RSPH14: variants seen among roughly 807,000 people sequenced by gnomAD.
The protein encoded by RSPH14 is radial spoke head 14 homolog.
Under a neutral mutation model 26.7 loss-of-function variants are expected in RSPH14, and 20 were observed. The ratio of observed to expected loss-of-function variants is 0.75; its 90% confidence interval spans 0.53 to 1.09. The LOEUF (loss-of-function observed/expected upper bound fraction) is 1.09. RSPH14 is among the 50% of genes least tolerant of loss of function. RSPH14 has a pLI of 0.00. For synonymous variants in RSPH14, 177 were observed against 189.3 expected, an observed-to-expected ratio of 0.93 and a Z score of 0.53; for missense variants, 449 against 457.2, an observed-to-expected ratio of 0.98 and a Z score of 0.16.
At chr22:23,156,690 A>C in the RSPH14 span, among the ~76,000 whole-genome samples, 1 of 152,228 alleles carries the variant, frequency 6.6e-6, no homozygotes, top group Non-Finnish European at 1.5e-5. Flanking sequence ...TGAAAAAGTT[A>C]CAACATTTTC....
At chr22:23,149,284 TCTGTATTTA>T (rs2070970677), upstream of RSPH14, among the ~76,000 whole-genome samples, 1 of 152,196 alleles carries the variant, frequency 6.6e-6, no homozygotes, top group African/African-American at 2.4e-5. Context: ...CTTGCCACAT[TCTGTATTTA>T]GCCTGGGCCA....
chr22:23,170,093 TAA>T, the RSPH14 span, among the ~76,000 whole-genome samples: 96 of 136,984 alleles, frequency 7.0e-4, 1 homozygote, highest in Middle Eastern at 3.8e-3. Context: ...CAAGACCCTT[TAA>T]AAAAAAAAAA....
chr22:23,080,126 G>A (rs879545748), intron 4 of RSPH14, among the ~76,000 whole-genome samples: 4 of 152,208 alleles, frequency 2.6e-5, no homozygotes, highest in Non-Finnish European at 5.9e-5. Flanking sequence ...CTTCTTCTCT[G>A]CTGTCATGGC....
chr22:23,154,720 G>A, the RSPH14 span, among the ~76,000 whole-genome samples: 1 of 152,102 alleles, frequency 6.6e-6, no homozygotes, highest in Non-Finnish European at 1.5e-5. Context: ...CTCATCTCTA[G>A]GCCACCACCA....
chr22:23,079,535 C>A (rs1332332727), intron 4 of RSPH14, among the ~76,000 whole-genome samples: 2 of 152,144 alleles, frequency 1.3e-5, no homozygotes, highest in Admixed American at 1.3e-4. Flanking sequence ...TGGACTTTGA[C>A]TCGGGGTCTG....
intron 4 of RSPH14, among the ~76,000 whole-genome samples, chr22:23,076,226 C>G (rs2068504062): frequency 6.6e-6 from 1 of 152,220 alleles, no homozygotes; most frequent in African/African-American, 2.4e-5. Flanking sequence ...CCCCTTAGCA[C>G]TCGCCACAGC....
chr22:23,099,277 G>T (rs1004888118), intron 4 of RSPH14, among the ~76,000 whole-genome samples: 2 of 152,258 alleles, frequency 1.3e-5, no homozygotes, highest in African/African-American at 4.8e-5. Flanking sequence ...AGATTTCCGG[G>T]TGTCTGTGGA....
intron 1 of RSPH14, among the ~76,000 whole-genome samples, chr22:23,141,368 C>T (rs190549716): frequency 4.0e-5 from 6 of 150,554 alleles, no homozygotes; most frequent in Admixed American, 2.0e-4. Context: ...CTTTTATTGC[C>T]GACACACACA....
chr22:23,171,862 A>C, the RSPH14 span, among the ~76,000 whole-genome samples: 3 of 151,808 alleles, frequency 2.0e-5, no homozygotes, highest in African/African-American at 4.8e-5. Flanking sequence ...AAACAAAAAA[A>C]AAAAAACAAG....
Position 23,130,089 on chromosome 22 carries a change from AAGAAAGAAAGAAAGAAAG to A in RSPH14, c.421+3919_421+3936del, listed in dbSNP as rs2070293572. Among the ~76,000 whole-genome samples the A allele has an allele frequency of 1.3e-3, 25 of 19,130 alleles. 1 individual carries two copies. Among genetic ancestry groups the A allele is most frequent in the African/African-American group, 2.6e-3 (24 of 9,384 alleles). 12.6% of individuals were successfully genotyped at this position (19,130 alleles called of 152,430 possible). On this transcript the variant is annotated intron_variant, in intron 4 of 6. Transcript: ENST00000216036. Reference sequence around the variant, plus strand: ...AAAGAAAGAAAGAAAGAAAGGAAGAAAGAAAGAAAGAAAGAAAGAAAGAAAGAAAGAAAGAAAGAAAGA... The same window carrying A: ...AAAGAAAGAAAGAAAGAAAGGAAGAAAAAGAAAGAAAGAAAGAAAGAAAGA...
chr22:23,171,969 G>GT, the RSPH14 span, among the ~76,000 whole-genome samples: 1 of 151,942 alleles, frequency 6.6e-6, no homozygotes, highest in South Asian at 2.1e-4. Context: ...CAAGCACCTG[G>GT]TTACCAGGAA....
chr22:23,066,553 T>C (rs2068215027), intron 4 of RSPH14, among the ~76,000 whole-genome samples: 1 of 152,116 alleles, frequency 6.6e-6, no homozygotes, highest in Non-Finnish European at 1.5e-5. Context: ...AGGGAGAAGA[T>C]TAAAAATAAA....
At chr22:23,065,937 T>G (rs894406588) in intron 4 of RSPH14, among the ~76,000 whole-genome samples, 7 of 152,188 alleles carry the variant, frequency 4.6e-5, no homozygotes, top group South Asian at 4.1e-4. Context: ...ATCCTCTCTC[T>G]CTCGCAGCTC....
At chr22:23,062,723 C>T (rs554591269) in intron 5 of RSPH14, among the ~76,000 whole-genome samples, 1 of 152,350 alleles carries the variant, frequency 6.6e-6, no homozygotes, top group South Asian at 2.1e-4. Context: ...GGCAGTGGGC[C>T]TCAACCCCGA....
chr22:23,080,778 A>C (rs2068654834), intron 4 of RSPH14, among the ~76,000 whole-genome samples: 2 of 152,266 alleles, frequency 1.3e-5, no homozygotes, highest in South Asian at 2.1e-4. Context: ...CTATTGTGAT[A>C]AATGAAATGC....
intron 4 of RSPH14, among the ~76,000 whole-genome samples, chr22:23,064,389 CTG>C (rs1204308491): frequency 2.6e-5 from 4 of 152,198 alleles, no homozygotes; most frequent in Non-Finnish European, 5.9e-5. Flanking sequence ...CTTTTGTCGC[CTG>C]TGTCTCAGGG....
chr22:23,080,823 C>T (rs530850893), intron 4 of RSPH14, among the ~76,000 whole-genome samples: 7 of 152,304 alleles, frequency 4.6e-5, no homozygotes, highest in Admixed American at 2.0e-4. Context: ...AATCTTGGCG[C>T]GCAAAAACCC....
chr22:23,171,681 A>T, the RSPH14 span, among the ~76,000 whole-genome samples: 1 of 152,062 alleles, frequency 6.6e-6, no homozygotes, highest in South Asian at 2.1e-4. Flanking sequence ...CGTCTCTACT[A>T]AAAATACAAA....
In RSPH14 at chr22:23,071,215, T is replaced by G. The variant is rs1300559046; in HGVS notation, c.422-7082A>C. On this transcript the variant is annotated intron_variant, in intron 4 of 6. Coordinates refer to ENST00000216036, the MANE Select transcript of RSPH14 (RefSeq NM_014433.3). This position sits in a 1 kb window ranked among gnomAD's most constrained non-coding sequence, Gnocchi z 4.1. ...TTTTTCCCTTAAAAGGCGGTGGGGG[T>G]GTTTGGGGGAGGGGAGTGAGGGCCT... 4.2e-5 allele frequency among the ~76,000 whole-genome samples: 6 copies of G among 144,184 alleles called. No individual in the cohort carries two copies. Among genetic ancestry groups the G allele is most frequent in the Admixed American group, 1.4e-4 (2 of 14,520 alleles). The allele number at this position is 144,184 out of a possible 152,430, so 94.6% of individuals were successfully genotyped here.
Sources: allele counts gnomAD v4.1 joint callset (sites outside exome capture counted in the v4.1 genomes callset), GRCh38; gene constraint gnomAD v4.1.1; non-coding constraint Gnocchi (gnomAD v3.1); transcripts MANE v1.5; gene names NCBI Gene and HGNC (gene_info 2026-07-23, HGNC 2026-07-21).